TEKT1: variants seen among roughly 807,000 people sequenced by gnomAD.
TEKT1 encodes the protein tektin 1.
Under a neutral mutation model 34.8 loss-of-function variants are expected in TEKT1, and 32 were observed. The ratio of observed to expected loss-of-function variants is 0.92; its 90% CI spans 0.69 to 1.23. TEKT1 has a LOEUF of 1.23. Among genes scored for constraint, TEKT1 ranks in the 50% most tolerant of loss-of-function variants. The pLI is 0.00. For synonymous variants in TEKT1, 207 were observed against 199.8 expected, an observed-to-expected ratio of 1.04 and a Z score of -0.30; for missense variants, 492 against 518.5, an observed-to-expected ratio of 0.95 and a Z score of 0.50.
chr17:6,800,423 AAG>A (rs200045013), intron 7 of TEKT1, among the ~76,000 whole-genome samples, 189 bp from the exon 8 acceptor site: 5 of 150,672 alleles, frequency 3.3e-5, no homozygotes, highest in African/African-American at 9.7e-5. Flanking sequence ...CCATGAAAAA[AAG>A]AAAAAGACAG....
chr17:6,810,622 G>A (rs540107172), intron 6 of TEKT1, among the ~76,000 whole-genome samples: 1 of 152,346 alleles, frequency 6.6e-6, no homozygotes, highest in South Asian at 2.1e-4. Flanking sequence ...CACACTGTAT[G>A]TGATGTTCTC....
chr17:6,802,030 T>C (rs1329692787), intron 6 of TEKT1, among the ~76,000 whole-genome samples: 1 of 152,212 alleles, frequency 6.6e-6, no homozygotes. Context: ...TTTCTAAGCA[T>C]AGGATTCTTT....
rs188254145 is a variant in TEKT1 at position 6,821,180 on chromosome 17, C to A, written c.191-1822G>T. Among the ~76,000 whole-genome samples the A allele has an allele frequency of 1.5e-3, 221 of 152,230 alleles. 1 individual carries two copies. The highest frequency in any genetic ancestry group is 2.2e-3 in the Non-Finnish European group (149 of 68,018). ...ATTGTTGTGTCACATGCCAGATATA[C>A]CCTTTGATATGGTTTGGCTCTGTGT... is the stretch of plus-strand genomic sequence containing the variant. On this transcript the variant is annotated intron_variant, in intron 2 of 7. Transcript: ENST00000338694.
At chr17:6,830,737 A>C (rs1057082400) in intron 1 of TEKT1, among the ~76,000 whole-genome samples, 3 of 152,172 alleles carry the variant, frequency 2.0e-5, no homozygotes, top group Non-Finnish European at 4.4e-5. Flanking sequence ...TGTAAAATTC[A>C]TCCATATTGT....
Position 6,828,167 on chromosome 17 carries a change from A to G in TEKT1, c.190+2020T>C, listed in dbSNP as rs1310280924. On this transcript the variant is annotated intron_variant, in intron 2 of 7. Transcript: ENST00000338694. ...CACCATGTTAGCCAGGATGGTCTCA[A>G]TCTCCTGACCTTGTGATCCGCCCAC... Among the ~76,000 whole-genome samples the G allele has an allele frequency of 2.6e-5, 4 of 152,176 alleles. No individual in the cohort carries two copies. The East Asian group carries it at 5.8e-4, about 22-fold the overall frequency.
chr17:6,813,580 ACAC>A lies in TEKT1; in HGVS notation c.630-530_630-528del, dbSNP rs1976958144. Among the ~76,000 whole-genome samples, 3 of 151,856 alleles carry A rather than the reference ACAC, an allele frequency of 2.0e-5. No homozygotes were observed. In the South Asian group the frequency reaches 6.2e-4, roughly 32 times the overall value. The stretch of plus-strand genomic sequence containing the variant: ...CACACACACACACACACACACACAC[ACAC>A]ACACACACATATCTAGTATATAATG... On this transcript the variant is annotated intron_variant, in intron 5 of 7. Transcript: ENST00000338694.
rs764625612 is a variant in TEKT1 at position 6,812,892 on chromosome 17, A to C, written c.791T>G (p.Phe264Cys). 5 of 1,614,070 alleles carry C rather than the reference A, an allele frequency of 3.1e-6. No homozygotes were observed. Among genetic ancestry groups the C allele is most frequent in the Non-Finnish European group, 4.2e-6 (5 of 1,180,050 alleles). ...CTTTGTATCCTTCAGCCCATTCTTG[A>C]ATGCCGTGTCCACCACATCACACTG... is the stretch of plus-strand genomic sequence containing the variant. ...RKQCDVVDTA[F>C]KNGLKDTKDA... Residue 264 changes from phenylalanine to cysteine, a missense_variant, in exon 6 of 8, where the codon TTC becomes TGC. Physicochemically the swap from Phe to Cys is radical, Grantham distance 205 (BLOSUM62 -2). Coordinates refer to ENST00000338694, the MANE Select transcript of TEKT1 (RefSeq NM_053285.2).
intron 2 of TEKT1, among the ~76,000 whole-genome samples, chr17:6,821,291 TC>T (rs1977086397): frequency 6.6e-6 from 1 of 152,160 alleles, no homozygotes; most frequent in South Asian, 2.1e-4. Context: ...TGAGGCAGTT[TC>T]CCCCATGCTG....
In TEKT1 at chr17:6,802,724, C is replaced by T. The variant is rs540793332; in HGVS notation, c.853-1781G>A. 1.3e-3 allele frequency among the ~76,000 whole-genome samples: 193 copies of T among 149,588 alleles called. 2 individuals carry two copies. The Middle Eastern group carries it at 0.039, about 30-fold the overall frequency. On this transcript the variant is annotated intron_variant, in intron 6 of 7. Transcript: ENST00000338694. ...TTCAGTTCCCACCTATGAGTGAGAACATGCGGTGTTTGGTTTTTTGTCTTT... is the reference window on the plus strand; with the variant it reads ...TTCAGTTCCCACCTATGAGTGAGAATATGCGGTGTTTGGTTTTTTGTCTTT...
chr17:6,816,500 T>A (rs1228663591), intron 3 of TEKT1, among the ~76,000 whole-genome samples: 1 of 152,154 alleles, frequency 6.6e-6, no homozygotes, highest in African/African-American at 2.4e-5. Context: ...TCTGTCCTTG[T>A]GATAGTTTGC....
rs34180300 is a variant in TEKT1 at position 6,811,306 on chromosome 17, A to ATGTGTGTGTG, written c.852+1515_852+1524dup. ...ATTATATGTTAATCATATATGCAAA[A>ATGTGTGTGTG]TGTGTGTGTGTGTGTGTGTGTGTGT... On this transcript the variant is annotated intron_variant, in intron 6 of 7. Coordinates refer to ENST00000338694, the MANE Select transcript of TEKT1 (RefSeq NM_053285.2). The surrounding 1 kb of genome is among the most constrained non-coding windows in gnomAD (Gnocchi z 4.4). Among the ~76,000 whole-genome samples the ATGTGTGTGTG allele has an allele frequency of 1.3e-5, 2 of 149,684 alleles. No individual in the cohort carries two copies. Among genetic ancestry groups the ATGTGTGTGTG allele is most frequent in the African/African-American group, 2.5e-5 (1 of 40,694 alleles).
At chr17:6,802,752 G>A (rs932659372) in intron 6 of TEKT1, among the ~76,000 whole-genome samples, 5 of 151,618 alleles carry the variant, frequency 3.3e-5, no homozygotes, top group Admixed American at 1.3e-4. Flanking sequence ...TTGTCTTTGC[G>A]ATAGTTTGCT....
At chr17:6,819,115 T>G in intron 3 of TEKT1, 78 bp downstream of exon 3, 1 of 1,525,928 alleles carries the variant, frequency 6.6e-7, no homozygotes, top group South Asian at 1.3e-5. Context: ...TAACTCACCA[T>G]CGCACACAGC....
chr17:6,814,007 G>T (rs1446913013), intron 5 of TEKT1, among the ~76,000 whole-genome samples: 2 of 150,660 alleles, frequency 1.3e-5, no homozygotes, highest in Non-Finnish European at 2.9e-5. Context: ...GAAACCAGTT[G>T]CCATGTCATG....
At chr17:6,814,409 A>G (rs1341749434) in intron 5 of TEKT1, among the ~76,000 whole-genome samples, 3 of 152,250 alleles carry the variant, frequency 2.0e-5, no homozygotes, top group African/African-American at 7.2e-5. Flanking sequence ...AATGCAAATT[A>G]GATGTCACAG....
At position 6,815,982 on chromosome 17, in the gene TEKT1, C is replaced by A. The variant is rs768473437; in HGVS notation, c.357-20G>T. ...TTCTCCCTGGCAGGGGGAAAGGCAG[C>A]CAGTCAGCCAACACGTGCAACATGA... On this transcript the variant is annotated intron_variant, in intron 3 of 7. Coordinates refer to ENST00000338694, the MANE Select transcript of TEKT1 (RefSeq NM_053285.2). The A allele has an allele frequency of 1.9e-6, 3 of 1,612,732 alleles. No individual in the cohort carries two copies. The African/African-American group carries it at 4.0e-5, about 21-fold the overall frequency.
At chr17:6,803,019 C>T (rs909866064) in intron 6 of TEKT1, among the ~76,000 whole-genome samples, 3 of 151,984 alleles carry the variant, frequency 2.0e-5, no homozygotes, top group African/African-American at 7.3e-5. Flanking sequence ...TTCTAGATCC[C>T]TGAGGAATCG....
chr17:6,801,061 A>C, intron 6 of TEKT1, 118 bp from the exon 7 acceptor site: 1 of 978,520 alleles, frequency 1.0e-6, no homozygotes, highest in Non-Finnish European at 1.5e-6. Context: ...TTTCTTCTTA[A>C]GCAGCATGCC....
intron 3 of TEKT1, among the ~76,000 whole-genome samples, chr17:6,817,625 C>G (rs1042611437): frequency 1.1e-4 from 17 of 151,432 alleles, no homozygotes; most frequent in Non-Finnish European, 1.8e-4. Flanking sequence ...TGCCATCCTC[C>G]TCCCAAACTG....
Sources: allele counts gnomAD v4.1 joint callset (sites outside exome capture counted in the v4.1 genomes callset), GRCh38; gene constraint gnomAD v4.1.1; non-coding constraint Gnocchi (gnomAD v3.1); transcripts MANE v1.5; gene names NCBI Gene and HGNC (gene_info 2026-07-23, HGNC 2026-07-21).